ZZEF1: variants seen among roughly 807,000 people sequenced by gnomAD.
ZZEF1 encodes the protein zinc finger ZZ-type and EF-hand domain containing 1, also known as zinc finger ZZ-type and EF-hand domain-containing protein 1.
In ZZEF1, 157 loss-of-function variants were observed where a neutral mutation model predicts 342.8. That is an observed-to-expected ratio of 0.46 (90% CI 0.40 to 0.52). ZZEF1 has a LOEUF of 0.52. Ranked by LOEUF, ZZEF1 falls within the 20% of genes least tolerant of loss-of-function variation. The pLI, the probability that ZZEF1 is intolerant of heterozygous loss-of-function variation, is 0.00. For synonymous variants in ZZEF1, 1,505 were observed against 1,429.1 expected (o/e 1.05, Z -1.20); for missense variants, 3,480 against 3,725.6 (o/e 0.93, Z 1.72).
chr17:4,038,527 G>A (rs776003845), intron 39 of ZZEF1, among the ~76,000 whole-genome samples: 10 of 152,180 alleles, frequency 6.6e-5, no homozygotes, highest in Non-Finnish European at 1.3e-4. Flanking sequence ...GACACAGGCC[G>A]GGCGCAGCGG....
At chr17:4,116,238 G>A (rs1177723210) in intron 3 of ZZEF1, among the ~76,000 whole-genome samples, 1 of 152,168 alleles carries the variant, frequency 6.6e-6, no homozygotes, top group Non-Finnish European at 1.5e-5. Flanking sequence ...AGAATCGCTC[G>A]AACCCAGGAG....
rs774807854 is a variant in ZZEF1 at position 4,058,027 on chromosome 17, T to C, written c.5132A>G (p.Gln1711Arg). 1.2e-6 allele frequency: 2 copies of C among 1,614,172 alleles called. No individual in the cohort carries two copies. Among genetic ancestry groups the C allele is most frequent in the Admixed American group, 3.3e-5 (2 of 60,024 alleles). ...ACTGTCATGGACACTTATATTCTCCTGTGACATTTTCATGAGGAGATCTGG... is the reference window on the plus strand; with the variant it reads ...ACTGTCATGGACACTTATATTCTCCCGTGACATTTTCATGAGGAGATCTGG... ...QLPDLLMKMS[Q>R]ENISVHDSVI... Residue 1711 changes from glutamine to arginine, a missense_variant, in exon 32 of 55, where the codon CAG (glutamine) becomes CGG (arginine). Coordinates refer to ENST00000381638, the MANE Select transcript of ZZEF1 (RefSeq NM_015113.4).
At chr17:4,138,796 C>A (rs78379979) in intron 1 of ZZEF1, among the ~76,000 whole-genome samples, 1,863 of 152,300 alleles carry the variant, frequency 0.012, 45 homozygotes, top group African/African-American at 0.043. Flanking sequence ...TAATCTATAA[C>A]CTCTGATGTG....
chr17:4,010,724 CA>C (rs58349682), intron 52 of ZZEF1, among the ~76,000 whole-genome samples: 1 of 85,264 alleles, frequency 1.2e-5, no homozygotes, highest in South Asian at 4.2e-4. Context: ...GATTCCGTCT[CA>C]AAAAAAAAAA....
intron 24 of ZZEF1, among the ~76,000 whole-genome samples, chr17:4,073,859 C>G (rs556075790): frequency 6.6e-6 from 1 of 152,140 alleles, no homozygotes; most frequent in South Asian, 2.1e-4. Context: ...TTTGGTTGGA[C>G]TATACCTACA....
intron 33 of ZZEF1, among the ~76,000 whole-genome samples, chr17:4,054,767 G>C (rs2057121058): frequency 6.6e-6 from 1 of 152,196 alleles, no homozygotes; most frequent in Non-Finnish European, 1.5e-5. Context: ...TGCTCTTCTG[G>C]AAGTTGAGGA....
intron 1 of ZZEF1, among the ~76,000 whole-genome samples, chr17:4,138,142 G>A (rs1271351732): frequency 6.6e-6 from 1 of 152,190 alleles, no homozygotes; most frequent in Non-Finnish European, 1.5e-5. Flanking sequence ...ATACATATTT[G>A]GTCCCTTGGG....
At chr17:4,076,808 G>A (rs773443173) in intron 20 of ZZEF1, 49 bp from the exon 21 acceptor site, 8 of 1,611,652 alleles carry the variant, frequency 5.0e-6, no homozygotes, top group East Asian at 2.2e-5. Flanking sequence ...GGCTGGGCCT[G>A]GGGATGCAGA....
In ZZEF1 at chr17:4,024,186, G is replaced by GTTTTTTTTTTTTT. The variant is rs754985234; in HGVS notation, c.7092+720_7092+732dup. Reference sequence around the variant, plus strand: ...CATCTCCATGCCAAATATTGCCCAGGTTTTTTTTTTTTTTTTTTTTTTTTT... The same window carrying GTTTTTTTTTTTTT: ...CATCTCCATGCCAAATATTGCCCAGGTTTTTTTTTTTTTTTTTTTTTTTTTTTTTTTTTTTTTT... On this transcript the variant is annotated intron_variant, in intron 43 of 54. Coordinates refer to ENST00000381638, the MANE Select transcript of ZZEF1 (RefSeq NM_015113.4). Among the ~76,000 whole-genome samples the GTTTTTTTTTTTTT allele has an allele frequency of 1.7e-3, 163 of 94,402 alleles. 26 individuals are homozygous for GTTTTTTTTTTTTT. Among genetic ancestry groups the GTTTTTTTTTTTTT allele is most frequent in the African/African-American group, 5.5e-3 (136 of 24,754 alleles). The allele number at this position is 94,402 out of a possible 152,430, so 61.9% of individuals were successfully genotyped here. A position where few individuals can be genotyped will look rare whatever the true frequency, so the allele number is the denominator to read the frequency against.
At position 4,027,383 on chromosome 17, in the gene ZZEF1, C is replaced by T. The variant is rs1463018041; in HGVS notation, c.6893-2265G>A. The stretch of plus-strand genomic sequence containing the variant: ...AATCTTGGCTCACTGCAACCTCCGC[C>T]TCCCTGGTTCAAGTGATTATCCTGC... On this transcript the variant is annotated intron_variant, in intron 42 of 54. Coordinates refer to ENST00000381638, the MANE Select transcript of ZZEF1 (RefSeq NM_015113.4). Among the ~76,000 whole-genome samples, 3 of 149,332 alleles carry T rather than the reference C, an allele frequency of 2.0e-5. No individual in the cohort carries two copies. In the East Asian group the frequency reaches 6.0e-4, roughly 30 times the overall value.
chr17:4,056,439 T>C (rs556959117), intron 32 of ZZEF1, 94 bp from the exon 33 acceptor site: 16 of 1,285,038 alleles, frequency 1.2e-5, no homozygotes, highest in African/African-American at 3.0e-5. Context: ...GTCTATTATA[T>C]TGGGCATTTT....
At chr17:4,127,838 T>C (rs1249510637) in intron 1 of ZZEF1, among the ~76,000 whole-genome samples, 1 of 152,208 alleles carries the variant, frequency 6.6e-6, no homozygotes, top group Admixed American at 6.5e-5. Flanking sequence ...AAGTATTCTC[T>C]GGGGAACCTG....
intron 6 of ZZEF1, among the ~76,000 whole-genome samples, chr17:4,108,959 G>C (rs2058253353): frequency 6.6e-6 from 1 of 152,110 alleles, no homozygotes; most frequent in African/African-American, 2.4e-5. Context: ...CTACACTATA[G>C]GTACCTATTA....
At chr17:4,074,057 G>C in intron 24 of ZZEF1, 93 bp downstream of exon 24, 1 of 1,375,700 alleles carries the variant, frequency 7.3e-7, no homozygotes, top group Non-Finnish European at 1.0e-6. Flanking sequence ...TTAACCCCCT[G>C]CCATTACGTG....
intron 1 of ZZEF1, among the ~76,000 whole-genome samples, chr17:4,132,128 T>C (rs916189455): frequency 1.3e-5 from 2 of 152,206 alleles, no homozygotes; most frequent in African/African-American, 4.8e-5. Flanking sequence ...GAAAGCATTG[T>C]TTCTTGTTCA....
intron 1 of ZZEF1, among the ~76,000 whole-genome samples, chr17:4,137,472 C>T (rs549428652): frequency 2.0e-5 from 3 of 152,196 alleles, no homozygotes; most frequent in South Asian, 2.1e-4. Flanking sequence ...ATTAGCCGGG[C>T]GTGGTGGCAG....
chr17:4,112,510 G>A (rs2058330331), intron 5 of ZZEF1, 99 bp downstream of exon 5: 1 of 1,212,288 alleles, frequency 8.2e-7, no homozygotes, highest in Non-Finnish European at 1.2e-6. Context: ...TACGTCCTAA[G>A]AAGCAAACCG....
rs768752438 is a variant in ZZEF1, at chr17:4,034,039, C to T, written c.6560G>A (p.Ser2187Asn). ...CCTGTCCAGACACACAGCTCCCAGG[C>T]TAAAGAGCAGGTGGGTGGTTTTCCA... Reference protein sequence around the residue: ...DGWKTTHLLFSLGAVCLDSRV... With the variant: ...DGWKTTHLLFNLGAVCLDSRV... The change falls in exon 40 of 55, where the codon AGC (serine) becomes AAC (asparagine). Residue 2187 changes from serine to asparagine, a missense_variant. Physicochemically the swap from Ser to Asn is conservative, Grantham distance 46 (BLOSUM62 1). Coordinates refer to ENST00000381638, the MANE Select transcript of ZZEF1 (RefSeq NM_015113.4). The T allele has an allele frequency of 1.9e-6, 3 of 1,614,172 alleles. No individual in the cohort carries two copies. The highest frequency in any genetic ancestry group is 2.5e-6 in the Non-Finnish European group (3 of 1,180,044).
intron 37 of ZZEF1, among the ~76,000 whole-genome samples, chr17:4,045,892 A>G (rs1281789928): frequency 6.7e-6 from 1 of 148,532 alleles, no homozygotes; most frequent in Non-Finnish European, 1.5e-5. Context: ...CAGGGGCGCC[A>G]TCTCGGCTCA....
Sources: allele counts gnomAD v4.1 joint callset (sites outside exome capture counted in the v4.1 genomes callset), GRCh38; gene constraint gnomAD v4.1.1; transcripts MANE v1.5; gene names NCBI Gene and HGNC (gene_info 2026-07-23, HGNC 2026-07-21).